HMBOX1: variants seen among roughly 807,000 people sequenced by gnomAD.
HMBOX1 encodes the protein homeobox containing 1.
HMBOX1 carries 14 observed loss-of-function variants against 54.5 expected under a neutral mutation model. That is an observed-to-expected ratio of 0.26 (90% confidence interval 0.17 to 0.40). The LOEUF (loss-of-function observed/expected upper bound fraction) is 0.40, where lower values mean the gene tolerates loss of function less well. HMBOX1 is among the 10% of genes least tolerant of loss of function. The pLI is 1.00. For synonymous variants in HMBOX1, 160 were observed against 181.0 expected, an observed-to-expected ratio of 0.88 and a Z score of 0.93; for missense variants, 332 against 514.4, an observed-to-expected ratio of 0.65 and a Z score of 3.43.
chr8:28,970,870 A>G lies in HMBOX1; in HGVS notation c.500+351A>G, dbSNP rs1216615596. On this transcript the variant is annotated intron_variant, in intron 3 of 9. Transcript: ENST00000287701. The surrounding 1 kb of genome is among the most constrained non-coding windows in gnomAD (Gnocchi z 4.3). Reference sequence around the variant, plus strand: ...CTGTTGTAAGTACTTTTTCTGAGGGATAATTTTATCTTGATCAGAATATGT... The same window carrying G: ...CTGTTGTAAGTACTTTTTCTGAGGGGTAATTTTATCTTGATCAGAATATGT... 6.6e-6 allele frequency among the ~76,000 whole-genome samples: 1 copy of G among 151,904 alleles called. No homozygotes were observed. Among genetic ancestry groups the G allele is most frequent in the East Asian group, 1.9e-4 (1 of 5,184 alleles).
chr8:29,047,219 C>G (rs1805700549), intron 7 of HMBOX1, 139 bp from the exon 8 acceptor site: 2 of 622,904 alleles, frequency 3.2e-6, no homozygotes, highest in Admixed American at 2.8e-5. Flanking sequence ...CCAGGTAATA[C>G]TTTAAAAATC....
chr8:28,891,780 A>G (rs1254353725), intron 1 of HMBOX1: 1 of 152,328 alleles, frequency 6.6e-6, no homozygotes, highest in Non-Finnish European at 1.5e-5. Flanking sequence ...GGAACAGTGA[A>G]GAAGCATTGG....
chr8:29,049,096 G>A (rs1281437388), intron 9 of HMBOX1, 48 bp downstream of exon 9: 4 of 1,539,170 alleles, frequency 2.6e-6, no homozygotes, highest in Non-Finnish European at 2.7e-6. Context: ...TGAGCAGGGG[G>A]TATAGTGGGA....
rs919172923 is a variant in HMBOX1 at position 29,052,507 on chromosome 8, C to T, written c.*1352C>T. ...GATCACATATGTAGCACTTTTGTTACTTTTTAAAGATATTTATATTTGATA... is the reference window on the plus strand; with the variant it reads ...GATCACATATGTAGCACTTTTGTTATTTTTTAAAGATATTTATATTTGATA... On this transcript the variant is annotated 3_prime_UTR_variant, in exon 10 of 10. Coordinates refer to ENST00000287701, the MANE Select transcript of HMBOX1 (RefSeq NM_001135726.3). 2.0e-5 allele frequency: 3 copies of T among 151,968 alleles called. No individual in the cohort carries two copies. The highest frequency in any genetic ancestry group is 7.3e-5 in the African/African-American group (3 of 41,336). 9.4% of individuals were successfully genotyped at this position (151,968 alleles called of 1,614,324 possible). A position where few individuals can be genotyped will look rare whatever the true frequency, so the allele number is the denominator to read the frequency against.
intron 1 of HMBOX1, among the ~76,000 whole-genome samples, chr8:28,930,733 CCTTTTTGAAATCTTA>C (rs1819342026): frequency 1.3e-5 from 2 of 152,162 alleles, no homozygotes; most frequent in Admixed American, 6.5e-5. Flanking sequence ...CCTCCTATAT[CCTTTTTGAAATCTTA>C]CTTTTTGAAA....
chr8:28,966,036 A>G (rs1478035223), intron 2 of HMBOX1, among the ~76,000 whole-genome samples: 1 of 152,176 alleles, frequency 6.6e-6, no homozygotes, highest in Non-Finnish European at 1.5e-5. Context: ...CTGTTATCCA[A>G]TAAAATTTTA....
intron 4 of HMBOX1, among the ~76,000 whole-genome samples, chr8:28,998,198 C>T (rs1832141090): frequency 1.3e-5 from 2 of 152,126 alleles, no homozygotes; most frequent in African/African-American, 4.8e-5. Context: ...TATAGTTGTT[C>T]ATATAATCGT....
At chr8:28,995,926 C>T (rs1831748704) in intron 4 of HMBOX1, among the ~76,000 whole-genome samples, 1 of 151,980 alleles carries the variant, frequency 6.6e-6, no homozygotes. Context: ...CATAGTGAAA[C>T]CCCGTCTCTA....
At chr8:28,968,214 T>C (rs1285026881) in intron 2 of HMBOX1, among the ~76,000 whole-genome samples, 2 of 152,214 alleles carry the variant, frequency 1.3e-5, no homozygotes, top group African/African-American at 4.8e-5. Flanking sequence ...TTTATACTTG[T>C]TAAGTCAATA....
intron 1 of HMBOX1, among the ~76,000 whole-genome samples, chr8:28,937,129 C>T (rs551715080): frequency 5.3e-5 from 8 of 152,240 alleles, no homozygotes; most frequent in African/African-American, 9.6e-5. Context: ...GTTGGCATAG[C>T]TGGGATGGAA....
chr8:28,959,387 C>T (rs1167651929), intron 1 of HMBOX1, among the ~76,000 whole-genome samples: 1 of 152,124 alleles, frequency 6.6e-6, no homozygotes, highest in African/African-American at 2.4e-5. Context: ...GAAGGAGGAG[C>T]ATGAGGTTTC....
At chr8:29,001,510 G>A (rs118064764) in intron 4 of HMBOX1, among the ~76,000 whole-genome samples, 3,533 of 152,106 alleles carry the variant, frequency 0.023, 55 homozygotes, top group Non-Finnish European at 0.034. Context: ...AGATCATGCC[G>A]CGGCGCTTCA....
At position 29,018,762 on chromosome 8, in the gene HMBOX1, G is replaced by A. The variant is rs767290882; in HGVS notation, c.700G>A (p.Ala234Thr). 8.1e-6 allele frequency: 13 copies of A among 1,612,392 alleles called. No individual in the cohort carries two copies. The highest frequency in any genetic ancestry group is 1.6e-4 in the Middle Eastern group (1 of 6,070). ...TAAAAGTGTCTTGTTTATTTCAGGC[G>A]CTACACTAAGTATGAGACCAGCCCC... Reference protein sequence around the residue: ...WYQLEKTNPGATLSMRPAPIP... With the variant: ...WYQLEKTNPGTTLSMRPAPIP... Residue 234 changes from alanine (A) to threonine (T), a missense_variant and splice_region_variant, in exon 6 of 10, where the codon GCT becomes ACT. Physicochemically the swap from Ala to Thr is moderately conservative, Grantham distance 58. This residue lies in a region of HMBOX1 where 117 missense variants were observed against 220.0 expected (regional missense o/e 0.53). Transcript: ENST00000287701.
chr8:28,944,940 G>C (rs1408860682), intron 1 of HMBOX1, among the ~76,000 whole-genome samples: 1 of 152,070 alleles, frequency 6.6e-6, no homozygotes, highest in Admixed American at 6.5e-5. Context: ...GCAGTTCTTG[G>C]CTGAGAGATA....
intron 1 of HMBOX1, among the ~76,000 whole-genome samples, chr8:28,945,062 TG>T (rs965765151): frequency 3.3e-5 from 5 of 152,224 alleles, no homozygotes; most frequent in African/African-American, 1.2e-4. Flanking sequence ...ATTCCAATGT[TG>T]TTATTTTTGT....
chr8:29,004,277 G>A (rs907850516), intron 4 of HMBOX1, among the ~76,000 whole-genome samples: 5 of 152,200 alleles, frequency 3.3e-5, no homozygotes, highest in Admixed American at 2.6e-4. Context: ...TGGTAATTGA[G>A]ATGACCAAAG....
chr8:28,935,341 CT>C (rs1820210991), intron 1 of HMBOX1, among the ~76,000 whole-genome samples: 1 of 152,106 alleles, frequency 6.6e-6, no homozygotes. Context: ...AATTACACAA[CT>C]TAAGACTGTG....
chr8:28,894,751 G>A (rs1811751397), intron 1 of HMBOX1, among the ~76,000 whole-genome samples: 1 of 152,100 alleles, frequency 6.6e-6, no homozygotes, highest in Non-Finnish European at 1.5e-5. Context: ...AAACAAGTTG[G>A]AAATTTACTA....
intron 1 of HMBOX1, among the ~76,000 whole-genome samples, chr8:28,939,196 G>A (rs1402279824): frequency 6.6e-6 from 1 of 151,842 alleles, no homozygotes; most frequent in African/African-American, 2.4e-5. Flanking sequence ...GGCTGAGGCA[G>A]GAGAATTGCT....
Sources: gnomAD v4.1 joint callset for allele counts (sites outside exome capture counted in the v4.1 genomes callset) on GRCh38, gnomAD v4.1.1 for gene constraint, gnomAD v4.1.1 regional missense constraint, Gnocchi (gnomAD v3.1) non-coding constraint, MANE v1.5 for transcripts, NCBI Gene and HGNC (gene_info 2026-07-23, HGNC 2026-07-21) for gene names.